STARD13: variants seen among roughly 807,000 people sequenced by gnomAD.
STARD13 encodes StAR related lipid transfer domain containing 13.
STARD13 carries 62 observed loss-of-function variants against 106.4 expected under a neutral mutation model. That is an observed-to-expected ratio of 0.58 (90% confidence interval 0.48 to 0.72). STARD13 has a LOEUF of 0.72. Among genes scored for constraint, STARD13 ranks in the 30% least tolerant of loss-of-function variants. STARD13 has a pLI of 0.00. For missense variants in STARD13, 1,387 were observed against 1,424.0 expected (o/e 0.97, Z 0.42); for synonymous variants, 565 against 553.0 (o/e 1.02, Z -0.31).
chr13:33,281,752 T>G (rs1314695832), intron 1 of STARD13, among the ~76,000 whole-genome samples: 3 of 152,130 alleles, frequency 2.0e-5, no homozygotes, highest in Non-Finnish European at 4.4e-5. Flanking sequence ...TGATTTCACT[T>G]ATATGAGGTA....
the STARD13 span, among the ~76,000 whole-genome samples, chr13:33,528,676 G>A: frequency 6.6e-6 from 1 of 152,034 alleles, no homozygotes; most frequent in African/African-American, 2.4e-5. Flanking sequence ...TAGCAAGAAA[G>A]ACACCACTGA....
chr13:33,293,653 G>T (rs756109570), intron 1 of STARD13, among the ~76,000 whole-genome samples: 2 of 152,152 alleles, frequency 1.3e-5, no homozygotes, highest in Non-Finnish European at 2.9e-5. Context: ...TGATTTAGTG[G>T]GCTGGGAAGG....
chr13:33,663,308 A>C, the STARD13 span, among the ~76,000 whole-genome samples: 3 of 152,346 alleles, frequency 2.0e-5, no homozygotes, highest in Non-Finnish European at 4.4e-5. Flanking sequence ...AAAGATACTT[A>C]AAAGATCCAA....
At chr13:33,211,161 T>TA (rs1463175709) in intron 1 of STARD13, among the ~76,000 whole-genome samples, 1 of 151,234 alleles carries the variant, frequency 6.6e-6, no homozygotes, top group African/African-American at 2.4e-5. Context: ...TAGTAGCTAA[T>TA]AAAAAATCTT....
the STARD13 span, among the ~76,000 whole-genome samples, chr13:33,396,595 A>G: frequency 6.6e-6 from 1 of 152,170 alleles, no homozygotes; most frequent in Non-Finnish European, 1.5e-5. Flanking sequence ...TTTTAAGTAT[A>G]TAATTAATTT....
the STARD13 span, among the ~76,000 whole-genome samples, chr13:33,671,489 G>A: frequency 6.6e-6 from 1 of 152,322 alleles, no homozygotes; most frequent in Middle Eastern, 3.4e-3. Context: ...TCCCAACACT[G>A]AGAGGCTGAG....
At position 33,272,903 on chromosome 13, in the gene STARD13, G is replaced by A. The variant is rs555311385; in HGVS notation, c.169+12567C>T. ...CAATTATCAATTGGGAGGTGAGGAA[G>A]TAATTTTACTCTAAATGGGGGTTGG... On this transcript the variant is annotated intron_variant, in intron 1 of 13. Transcript: ENST00000336934. 2.6e-5 allele frequency: 4 copies of A among 152,300 alleles called. No homozygotes were observed. In the East Asian group the frequency reaches 7.7e-4, roughly 29 times the overall value. 9.4% of individuals were successfully genotyped at this position (152,300 alleles called of 1,614,324 possible).
At chr13:33,636,671 A>G in the STARD13 span, among the ~76,000 whole-genome samples, 27 of 152,212 alleles carry the variant, frequency 1.8e-4, no homozygotes, top group African/African-American at 6.3e-4. Context: ...TGCACTTGCT[A>G]TTTTATCTTA....
the STARD13 span, among the ~76,000 whole-genome samples, chr13:33,600,609 T>C: frequency 6.6e-6 from 1 of 152,200 alleles, no homozygotes; most frequent in Non-Finnish European, 1.5e-5. Flanking sequence ...TCCTATTCAA[T>C]TTGTTAATAT....
chr13:33,442,151 A>G, the STARD13 span, among the ~76,000 whole-genome samples: 1 of 152,242 alleles, frequency 6.6e-6, no homozygotes, highest in Non-Finnish European at 1.5e-5. Context: ...TAAATACAAT[A>G]ATGTTCTGAC....
At chr13:33,517,408 T>A in the STARD13 span, among the ~76,000 whole-genome samples, 1 of 152,130 alleles carries the variant, frequency 6.6e-6, no homozygotes, top group Non-Finnish European at 1.5e-5. Context: ...TTAGAAATTT[T>A]AAAAAATGGT....
intron 1 of STARD13, among the ~76,000 whole-genome samples, chr13:33,270,533 G>A (rs1891106530): frequency 6.6e-6 from 1 of 152,132 alleles, no homozygotes; most frequent in Admixed American, 6.5e-5. Context: ...AATAGTAGGA[G>A]CTAATAGTAT....
At chr13:33,183,888 G>A (rs1441132576) in intron 1 of STARD13, among the ~76,000 whole-genome samples, 7 of 152,176 alleles carry the variant, frequency 4.6e-5, no homozygotes, top group African/African-American at 1.7e-4. Context: ...AGTCCAAGAA[G>A]GCATTCCTGG....
At chr13:33,667,302 G>A in the STARD13 span, among the ~76,000 whole-genome samples, 1 of 152,186 alleles carries the variant, frequency 6.6e-6, no homozygotes, top group Admixed American at 6.5e-5. Context: ...TAGGGATGCT[G>A]CTGTACCTGT....
At chr13:33,623,411 A>C in the STARD13 span, among the ~76,000 whole-genome samples, 1 of 145,958 alleles carries the variant, frequency 6.9e-6, no homozygotes, top group Non-Finnish European at 1.5e-5. Context: ...ACAATGATAA[A>C]TTGAACCTCA....
chr13:33,120,413 C>G (rs193297349), intron 7 of STARD13, among the ~76,000 whole-genome samples: 5 of 152,310 alleles, frequency 3.3e-5, no homozygotes, highest in African/African-American at 1.2e-4. Flanking sequence ...TTAGACATGT[C>G]TGCAGCTCTC....
In STARD13 at chr13:33,299,641, G is replaced by GT. The variant is rs1892635999; in HGVS notation, c.124+50648dup. Among the ~76,000 whole-genome samples the GT allele has an allele frequency of 2.6e-5, 4 of 152,300 alleles. No homozygotes were observed. The South Asian group carries it at 8.3e-4, about 32-fold the overall frequency. On this transcript the variant is annotated intron_variant, in intron 1 of 5. Transcript: ENST00000567873. ...CTCAGATTTGAGAAGTTATCCTGTG[G>GT]TTTTGTTGAATTCCGTACAGAGACA... is the stretch of plus-strand genomic sequence containing the variant.
chr13:33,504,731 T>C, the STARD13 span, among the ~76,000 whole-genome samples: 2 of 152,080 alleles, frequency 1.3e-5, no homozygotes, highest in African/African-American at 4.8e-5. Context: ...GTTGTGCACA[T>C]GTACCCTAGA....
chr13:33,284,255 C>A (rs988480831), intron 1 of STARD13, among the ~76,000 whole-genome samples: 3 of 152,162 alleles, frequency 2.0e-5, no homozygotes, highest in Non-Finnish European at 4.4e-5. Flanking sequence ...AGTTCCTGAA[C>A]CTTTACAAAC....
Sources: gnomAD v4.1 joint callset for allele counts (sites outside exome capture counted in the v4.1 genomes callset) on GRCh38, gnomAD v4.1.1 for gene constraint, MANE v1.5 for transcripts, NCBI Gene and HGNC (gene_info 2026-07-23, HGNC 2026-07-21) for gene names.